Variants in GUF1 observed in about 807,000 individuals in gnomAD.
GUF1 encodes translation factor GUF1, mitochondrial.
GUF1 carries 78 observed loss-of-function variants against 82.4 expected under a neutral mutation model. The ratio of observed to expected loss-of-function variants is 0.95; its 90% confidence interval spans 0.79 to 1.14. GUF1 has a LOEUF of 1.14. GUF1 is among the 50% of genes most tolerant of loss of function. The probability of loss-of-function intolerance (pLI) is 0.00; values close to 1 mark genes in which losing one functional copy is unlikely to be tolerated. For synonymous variants in GUF1, 279 were observed against 282.3 expected (o/e 0.99, Z 0.12); for missense variants, 814 against 798.2 (o/e 1.02, Z -0.24).
chr4:44,697,355 T>C, intron 15 of GUF1, 53 bp from the exon 16 acceptor site: 1 of 1,122,320 alleles, frequency 8.9e-7, no homozygotes, highest in Non-Finnish European at 1.3e-6. Context: ...AAGGAAGTGC[T>C]TTTAAACAGT....
intron 9 of GUF1, 67 bp downstream of exon 9, chr4:44,688,213 G>T: frequency 6.8e-7 from 1 of 1,473,860 alleles, no homozygotes; most frequent in East Asian, 2.3e-5. Context: ...TGTCTCAGTG[G>T]TTAAGGAAAA....
intron 14 of GUF1, among the ~76,000 whole-genome samples, chr4:44,695,391 G>A (rs1405921847): frequency 1.3e-5 from 2 of 152,170 alleles, no homozygotes; most frequent in Non-Finnish European, 2.9e-5. Flanking sequence ...ATCAAGAACA[G>A]TTTCTATTGT....
intron 4 of GUF1, 116 bp from the exon 5 acceptor site, chr4:44,682,218 A>AT: frequency 4.0e-6 from 2 of 494,260 alleles, no homozygotes; most frequent in Non-Finnish European, 7.3e-6. Context: ...GTTTAATTTT[A>AT]TTATTAGCAT....
Position 44,678,600 on chromosome 4 carries a change from C to T in GUF1, c.-23C>T. The T allele has an allele frequency of 6.9e-7, 1 of 1,443,852 alleles. No individual in the cohort carries two copies. The highest frequency in any genetic ancestry group is 9.0e-7 in the Non-Finnish European group (1 of 1,108,190). 89.4% of individuals were successfully genotyped at this position (1,443,852 alleles called of 1,614,324 possible). ...TGCTGTTGCGTGTGGGTACCCTCTC[C>T]TGACGCCTCCGCCGCCCGGGTCATG... is the stretch of plus-strand genomic sequence containing the variant. On this transcript the variant is annotated 5_prime_UTR_variant, in exon 1 of 17. Coordinates refer to ENST00000281543, the MANE Select transcript of GUF1 (RefSeq NM_021927.3).
Position 44,690,824 on chromosome 4 carries a change from A to G in GUF1, c.1443A>G (p.Pro481=). Residue 481 remains proline, a synonymous_variant, in exon 12 of 17, where the codon CCA becomes CCG. Transcript: ENST00000281543. ...TTGTTTTGGGCACTATTATCACACC[A>G]GATGAATACACTGGAAAAATAATGA... is the stretch of plus-strand genomic sequence containing the variant. The part of the protein sequence containing the change: ...EPVVLGTIIT[P]DEYTGKIMML... 6.3e-7 allele frequency: 1 copy of G among 1,598,404 alleles called. No homozygotes were observed. The highest frequency in any genetic ancestry group is 2.3e-5 in the East Asian group (1 of 44,416).
chr4:44,695,724 G>A lies in GUF1; in HGVS notation c.1825G>A (p.Ala609Thr). The A allele has an allele frequency of 6.2e-7, 1 of 1,610,772 alleles. No homozygotes were observed. Among genetic ancestry groups the A allele is most frequent in the Non-Finnish European group, 8.5e-7 (1 of 1,179,058 alleles). ...IQAAIGSKII[A>T]RETVKAYRKN... is the part of the protein sequence containing the mutation. ...AGCTGCTATTGGAAGTAAAATCATT[G>A]CAAGAGAAACGTGAGTTGAAATTCA... The change falls in exon 15 of 17, where the codon GCA (alanine) becomes ACA (threonine). Residue 609 changes from alanine to threonine, a missense_variant. Physicochemically the swap from Ala to Thr is moderately conservative, Grantham distance 58. Transcript: ENST00000281543.
In GUF1 at chr4:44,689,384, A is replaced by C. The variant is rs1220101070; in HGVS notation, c.1177A>C (p.Ser393Arg). 4 of 1,607,512 alleles carry C rather than the reference A, an allele frequency of 2.5e-6. No individual in the cohort carries two copies. Among genetic ancestry groups the C allele is most frequent in the Non-Finnish European group, 3.4e-6 (4 of 1,176,220 alleles). Residue 393 changes from serine to arginine, a missense_variant, in exon 10 of 17, where the codon AGC becomes CGC. By Grantham distance (110) the Ser-to-Arg change is moderately radical. Coordinates refer to ENST00000281543, the MANE Select transcript of GUF1 (RefSeq NM_021927.3). ...CAGTGTGACCGTTCATCGGGATAGT[A>C]GCCTTGCTCTGGGTGCTGGCTGGAG... The part of the protein sequence containing the change: ...DSSVTVHRDS[S>R]LALGAGWRLG...
chr4:44,685,874 T>G (rs1479066082), intron 6 of GUF1, 85 bp from the exon 7 acceptor site: 1 of 874,936 alleles, frequency 1.1e-6, no homozygotes, highest in East Asian at 2.5e-5. Flanking sequence ...TTTTTTTTCC[T>G]TCTGATCATA....
intron 13 of GUF1, among the ~76,000 whole-genome samples, chr4:44,692,492 A>G (rs1715513102): frequency 6.6e-6 from 1 of 151,902 alleles, no homozygotes; most frequent in African/African-American, 2.4e-5. Flanking sequence ...TAGTATATAT[A>G]GAAAACAGAT....
intron 15 of GUF1, among the ~76,000 whole-genome samples, chr4:44,696,382 G>A (rs949182434): frequency 6.6e-6 from 1 of 152,162 alleles, no homozygotes; most frequent in African/African-American, 2.4e-5. Context: ...GAGTATTGCT[G>A]TGAGACTAGT....
chr4:44,693,938 G>A (rs1371219864), intron 13 of GUF1: 2 of 166,180 alleles, frequency 1.2e-5, no homozygotes, highest in African/African-American at 4.8e-5. Flanking sequence ...AAGCTGAAGA[G>A]CCAAATAGGA....
rs535298460 is a variant in GUF1 at position 44,699,356 on chromosome 4, G to C, written c.*675G>C. 6.6e-6 allele frequency: 1 copy of C among 152,244 alleles called. No individual in the cohort carries two copies. Among genetic ancestry groups the C allele is most frequent in the African/African-American group, 2.4e-5 (1 of 41,504 alleles). The allele number at this position is 152,244 out of a possible 1,614,324, so 9.4% of individuals were successfully genotyped here. ...CACCACCATGCTCGGCTAATTTTTTGTATCTTTAGTAGAGTCGGGGTTTCA... is the reference window on the plus strand; with the variant it reads ...CACCACCATGCTCGGCTAATTTTTTCTATCTTTAGTAGAGTCGGGGTTTCA... On this transcript the variant is annotated 3_prime_UTR_variant, in exon 17 of 17. Coordinates refer to ENST00000281543, the MANE Select transcript of GUF1 (RefSeq NM_021927.3).
At chr4:44,686,441 T>G (rs1213393558) in intron 7 of GUF1, 69 bp from the exon 8 acceptor site, 2 of 987,146 alleles carry the variant, frequency 2.0e-6, no homozygotes, top group African/African-American at 3.3e-5. Context: ...ATATCTAAGT[T>G]GAAAATAAGA....
In GUF1 at chr4:44,680,425, T is replaced by C; in HGVS notation, c.166-16T>C. 8.0e-7 allele frequency: 1 copy of C among 1,242,932 alleles called. No individual in the cohort carries two copies. Among genetic ancestry groups the C allele is most frequent in the Non-Finnish European group, 1.2e-6 (1 of 852,760 alleles). The allele number at this position is 1,242,932 out of a possible 1,614,324, so 77.0% of individuals were successfully genotyped here. On this transcript the variant is annotated splice_polypyrimidine_tract_variant and intron_variant, in intron 1 of 16. Transcript: ENST00000281543. ...GCCAAATTTATACTCCTAAATGTGG[T>C]ATTTCCCCTTTCTAGGAAAAACTTG...
rs1476086289 is a variant in GUF1 at position 44,699,925 on chromosome 4, T to TAGAGTAGTTAACTTG, written c.*1248_*1262dup. The TAGAGTAGTTAACTTG allele has an allele frequency of 6.6e-6, 1 of 152,236 alleles. No individual in the cohort carries two copies. Among genetic ancestry groups the TAGAGTAGTTAACTTG allele is most frequent in the Non-Finnish European group, 1.5e-5 (1 of 68,048 alleles). 9.4% of individuals were successfully genotyped at this position (152,236 alleles called of 1,614,324 possible). A position where few individuals can be genotyped will look rare whatever the true frequency, so the allele number is the denominator to read the frequency against. Reference sequence around the variant, plus strand: ...CTAAATTTCATAATCGAAGCGATTTTAGAGTAGTTAACTTGAGATTTCACA... The same window carrying TAGAGTAGTTAACTTG: ...CTAAATTTCATAATCGAAGCGATTTTAGAGTAGTTAACTTGAGAGTAGTTAACTTGAGATTTCACA... On this transcript the variant is annotated 3_prime_UTR_variant, in exon 17 of 17. Coordinates refer to ENST00000281543, the MANE Select transcript of GUF1 (RefSeq NM_021927.3).
rs7666143 is a variant in GUF1 at position 44,686,004 on chromosome 4, A to G, written c.715A>G (p.Ile239Val). Residue 239 changes from isoleucine (I) to valine (V), a missense_variant, in exon 7 of 17, where the codon ATT (isoleucine) becomes GTT (valine). Transcript: ENST00000281543. Reference sequence around the variant, plus strand: ...AAATGTTGAGAGTGTTCTTCAGGCAATTATTGAAAGAATCCCCCCGTGAGT... The same window carrying G: ...AAATGTTGAGAGTGTTCTTCAGGCAGTTATTGAAAGAATCCCCCCGTGAGT... The part of the protein sequence containing the change: ...GTNVESVLQA[I>V]IERIPPPKVH... 99 of 1,606,078 alleles carry G rather than the reference A, an allele frequency of 6.2e-5. No individual in the cohort carries two copies. The highest frequency in any genetic ancestry group is 7.4e-5 in the Non-Finnish European group (87 of 1,173,928).
chr4:44,690,960 T>A (rs931550100), intron 12 of GUF1, 100 bp downstream of exon 12: 2 of 737,184 alleles, frequency 2.7e-6, no homozygotes, highest in African/African-American at 3.6e-5. Context: ...CTGAGCATAC[T>A]GAATTTAATG....
Position 44,686,593 on chromosome 4 carries a change from T to C in GUF1, c.818T>C (p.Val273Ala), listed in dbSNP as rs779120269. Reference protein sequence around the residue: ...FDQYRGVIANVALFDGVVSKG... With the variant: ...FDQYRGVIANAALFDGVVSKG... ...CAGTATAGAGGTGTGATAGCCAATGTAGCATTATTTGACGGAGTGGTTTCC... is the reference window on the plus strand; with the variant it reads ...CAGTATAGAGGTGTGATAGCCAATGCAGCATTATTTGACGGAGTGGTTTCC... The change falls in exon 8 of 17, where the codon GTA (valine) becomes GCA (alanine). Residue 273 changes from valine to alanine, a missense_variant. Transcript: ENST00000281543. The C allele has an allele frequency of 4.3e-6, 7 of 1,612,120 alleles. No homozygotes were observed. The highest frequency in any genetic ancestry group is 5.1e-6 in the Non-Finnish European group (6 of 1,178,572).
chr4:44,680,220 GGGATTAT>G (rs1362234720), intron 1 of GUF1, among the ~76,000 whole-genome samples: 1 of 152,042 alleles, frequency 6.6e-6, no homozygotes, highest in Non-Finnish European at 1.5e-5. Flanking sequence ...GAAATGTTAA[GGGATTAT>G]GATTTAGCTG....
Sources: gnomAD v4.1 joint callset for allele counts (sites outside exome capture counted in the v4.1 genomes callset) on GRCh38, gnomAD v4.1.1 for gene constraint, MANE v1.5 for transcripts, NCBI Gene and HGNC (gene_info 2026-07-23, HGNC 2026-07-21) for gene names.